The following CRYL1 variants were observed in gnomAD, a reference collection of about 807,000 sequenced individuals.
CRYL1 encodes lambda-crystallin homolog.
In CRYL1, 29 loss-of-function variants were observed where a neutral mutation model predicts 36.6. The ratio of observed to expected loss-of-function variants is 0.79; its 90% CI spans 0.59 to 1.08. The LOEUF is 1.08. Ranked by LOEUF, CRYL1 falls within the 50% of genes least tolerant of loss-of-function variation. The pLI, the probability that CRYL1 is intolerant of heterozygous loss-of-function variation, is 0.00. For missense variants in CRYL1, 411 were observed against 407.9 expected (o/e 1.01, Z -0.06); for synonymous variants, 152 against 151.5 (o/e 1.00, Z -0.02).
At chr13:20,473,388 A>G (rs1219485295) in intron 3 of CRYL1, among the ~76,000 whole-genome samples, 1 of 152,228 alleles carries the variant, frequency 6.6e-6, no homozygotes, top group Non-Finnish European at 1.5e-5. Context: ...CATTCAAACA[A>G]ACAAATGAAC....
At chr13:20,489,551 A>C (rs1323588522) in intron 2 of CRYL1, 55 bp from the exon 3 acceptor site, 1 of 1,597,918 alleles carries the variant, frequency 6.3e-7, no homozygotes, top group Admixed American at 1.7e-5. Context: ...ATTTAAAAAC[A>C]GATAAAGCCC....
In CRYL1 at chr13:20,525,149, C is replaced by T. The variant is rs73447947; in HGVS notation, c.41+605G>A. Reference sequence around the variant, plus strand: ...ACTCTCTGGGCTCCATCGGCCCCCACCTCCCCTCTGGAAACATCGCCTCGC... The same window carrying T: ...ACTCTCTGGGCTCCATCGGCCCCCATCTCCCCTCTGGAAACATCGCCTCGC... On this transcript the variant is annotated intron_variant, in intron 1 of 7. Coordinates refer to ENST00000298248, the MANE Select transcript of CRYL1 (RefSeq NM_015974.3). The surrounding 1 kb of genome is among the most constrained non-coding windows in gnomAD (Gnocchi z 4.3). Among the ~76,000 whole-genome samples the T allele has an allele frequency of 0.052, 7,958 of 152,154 alleles. 675 individuals are homozygous for T. The highest frequency in any genetic ancestry group is 0.18 in the African/African-American group (7,511 of 41,450).
rs556634247 is a variant in CRYL1, at chr13:20,509,510, C to T, written c.149+2933G>A. Among the ~76,000 whole-genome samples, 8 of 152,202 alleles carry T rather than the reference C, an allele frequency of 5.3e-5. No homozygotes were observed. In the South Asian group the frequency reaches 1.7e-3, roughly 32 times the overall value. On this transcript the variant is annotated intron_variant, in intron 2 of 7. Transcript: ENST00000298248. ...AATGCAGAAAGAAAAAATTTTAAGG[C>T]TTCCCCTTTAATCAAAAATGTTTTT... is the stretch of plus-strand genomic sequence containing the variant.
In CRYL1 at chr13:20,403,881, A is replaced by G. The variant is rs2031290715; in HGVS notation, c.*248T>C. On this transcript the variant is annotated 3_prime_UTR_variant, in exon 8 of 8. Transcript: ENST00000298248. ...AAGAAAAGGTGAAAATCTCCAGGTT[A>G]TCTGCCCAGGTGGCAGGAAATCGAC... 2 of 348,908 alleles carry G rather than the reference A, an allele frequency of 5.7e-6. No homozygotes were observed. Among genetic ancestry groups the G allele is most frequent in the South Asian group, 2.0e-4 (2 of 10,248 alleles). 21.6% of individuals were successfully genotyped at this position (348,908 alleles called of 1,614,324 possible). A position where few individuals can be genotyped will look rare whatever the true frequency, so the allele number is the denominator to read the frequency against.
intron 5 of CRYL1, among the ~76,000 whole-genome samples, chr13:20,421,805 T>TATTC (rs1288580739): frequency 2.9e-4 from 44 of 151,950 alleles, no homozygotes; most frequent in Admixed American, 2.8e-3. Context: ...TTTATTTATT[T>TATTC]ATTTATTTTT....
rs187509559 is a variant in CRYL1 at position 20,493,608 on chromosome 13, C to T, written c.150-4112G>A. ...CTGGGAGGTGGATATTTCAGTGAGC[C>T]GAGATCACGCCACTGCACTCCAGCC... is the stretch of plus-strand genomic sequence containing the variant. On this transcript the variant is annotated intron_variant, in intron 2 of 7. Coordinates refer to ENST00000298248, the MANE Select transcript of CRYL1 (RefSeq NM_015974.3). 2.6e-5 allele frequency among the ~76,000 whole-genome samples: 4 copies of T among 152,006 alleles called. No homozygotes were observed. In the South Asian group the frequency reaches 6.2e-4, roughly 24 times the overall value.
chr13:20,417,370 C>A (rs2031696449), intron 5 of CRYL1, among the ~76,000 whole-genome samples: 1 of 152,174 alleles, frequency 6.6e-6, no homozygotes, highest in Non-Finnish European at 1.5e-5. Flanking sequence ...AAACAGGGAA[C>A]TGACAAGCGA....
intron 1 of CRYL1, among the ~76,000 whole-genome samples, chr13:20,515,306 C>T (rs1202741258): frequency 6.6e-6 from 1 of 152,084 alleles, no homozygotes; most frequent in African/African-American, 2.4e-5. Context: ...CTGAATTGTA[C>T]ACTTTAAATG....
chr13:20,462,988 T>C (rs899700543), intron 3 of CRYL1, among the ~76,000 whole-genome samples: 2 of 152,194 alleles, frequency 1.3e-5, no homozygotes, highest in African/African-American at 4.8e-5. Flanking sequence ...AAGCTATACT[T>C]ACCTTATCCA....
At chr13:20,484,487 C>A (rs2033355233) in intron 3 of CRYL1, among the ~76,000 whole-genome samples, 1 of 152,170 alleles carries the variant, frequency 6.6e-6, no homozygotes, top group African/African-American at 2.4e-5. Flanking sequence ...GCCTGGCCAA[C>A]ATAGTGAAAC....
chr13:20,446,452 T>C (rs2032458452), intron 3 of CRYL1, among the ~76,000 whole-genome samples: 1 of 152,148 alleles, frequency 6.6e-6, no homozygotes, highest in Non-Finnish European at 1.5e-5. Context: ...CATACATAGC[T>C]GGGTAAAAAA....
At chr13:20,501,465 A>C (rs777876066) in intron 2 of CRYL1, among the ~76,000 whole-genome samples, 7 of 152,222 alleles carry the variant, frequency 4.6e-5, no homozygotes, top group Non-Finnish European at 8.8e-5. Flanking sequence ...TGAGGAATAA[A>C]GGGCATGGCT....
intron 3 of CRYL1, among the ~76,000 whole-genome samples, chr13:20,456,035 T>A (rs768431103): frequency 6.6e-6 from 1 of 152,216 alleles, no homozygotes; most frequent in African/African-American, 2.4e-5. Context: ...GGTTTTCACA[T>A]GCAAAGAAAT....
intron 4 of CRYL1, among the ~76,000 whole-genome samples, chr13:20,437,168 A>AAG (rs35923379): frequency 6.4e-4 from 97 of 151,462 alleles, no homozygotes; most frequent in African/African-American, 2.0e-3. Flanking sequence ...AGAATAAAAA[A>AAG]AGAGAGAGAG....
intron 3 of CRYL1, among the ~76,000 whole-genome samples, chr13:20,484,970 CTTGT>C (rs540403226): frequency 1.3e-3 from 195 of 152,174 alleles, no homozygotes; most frequent in African/African-American, 4.5e-3. Flanking sequence ...GTTTCATTTA[CTTGT>C]TTGTTTGGTA....
At chr13:20,515,338 G>A (rs186000738) in intron 1 of CRYL1, among the ~76,000 whole-genome samples, 63 of 152,290 alleles carry the variant, frequency 4.1e-4, no homozygotes, top group African/African-American at 1.5e-3. Flanking sequence ...GCTCAGTACT[G>A]CTGTTATTAA....
At chr13:20,495,499 A>T (rs566008202) in intron 2 of CRYL1, among the ~76,000 whole-genome samples, 256 of 152,298 alleles carry the variant, frequency 1.7e-3, no homozygotes, top group African/African-American at 5.6e-3. Context: ...ATTTATTTTT[A>T]AAAAAGACTG....
Position 20,425,062 on chromosome 13 carries a change from G to A in CRYL1, c.633+7040C>T, listed in dbSNP as rs527790947. Among the ~76,000 whole-genome samples, 3 of 152,256 alleles carry A rather than the reference G, an allele frequency of 2.0e-5. No homozygotes were observed. Among genetic ancestry groups the A allele is most frequent in the South Asian group, 4.2e-4 (2 of 4,818 alleles). On this transcript the variant is annotated intron_variant, in intron 5 of 7. Transcript: ENST00000298248. This position sits in a 1 kb window ranked among gnomAD's most constrained non-coding sequence, Gnocchi z 4.4. ...CCACACAGATGTTGCCAATGTCTGCGCTGTGCTATTTTACTCAAGCCTCAA... is the reference window on the plus strand; with the variant it reads ...CCACACAGATGTTGCCAATGTCTGCACTGTGCTATTTTACTCAAGCCTCAA...
chr13:20,436,898 G>C (rs2032229849), intron 4 of CRYL1, among the ~76,000 whole-genome samples: 1 of 142,044 alleles, frequency 7.0e-6, no homozygotes, highest in Non-Finnish European at 1.5e-5. Context: ...TGGGCTCCTA[G>C]CTGGCCTGGG....
Sources: gnomAD v4.1 joint callset for allele counts (sites outside exome capture counted in the v4.1 genomes callset) on GRCh38, gnomAD v4.1.1 for gene constraint, Gnocchi (gnomAD v3.1) non-coding constraint, MANE v1.5 for transcripts, NCBI Gene and HGNC (gene_info 2026-07-23, HGNC 2026-07-21) for gene names.